ASTN1: variants seen among roughly 807,000 people sequenced by gnomAD.
The protein encoded by ASTN1 is astrotactin-1.
Under a neutral mutation model 140.7 loss-of-function variants are expected in ASTN1, and 41 were observed. The ratio of observed to expected loss-of-function variants is 0.29; its 90% CI spans 0.23 to 0.38. The LOEUF (loss-of-function observed/expected upper bound fraction) is 0.38, where lower values mean the gene tolerates loss of function less well. ASTN1 is among the 10% of genes least tolerant of loss of function. The probability of loss-of-function intolerance (pLI) is 1.00; values close to 1 mark genes in which losing one functional copy is unlikely to be tolerated. For synonymous variants in ASTN1, 640 were observed against 652.2 expected (o/e 0.98, Z 0.29); for missense variants, 1,479 against 1,678.8 (o/e 0.88, Z 2.08).
chr1:176,969,939 A>G (rs1229174703), intron 8 of ASTN1, among the ~76,000 whole-genome samples: 3 of 152,238 alleles, frequency 2.0e-5, no homozygotes, highest in South Asian at 4.1e-4. Context: ...ACCCATGCCC[A>G]TGCAGGAACA....
intron 8 of ASTN1, among the ~76,000 whole-genome samples, chr1:176,974,448 T>TGC (rs1673277817): frequency 1.3e-5 from 2 of 151,512 alleles, no homozygotes; most frequent in Admixed American, 1.3e-4. Context: ...TGCAGTGTCA[T>TGC]GATCTTGACT....
chr1:176,971,663 C>A (rs555090348), intron 8 of ASTN1, among the ~76,000 whole-genome samples: 2 of 152,300 alleles, frequency 1.3e-5, no homozygotes, highest in South Asian at 2.1e-4. Context: ...GCACCCTGCA[C>A]TTTCCTTTAT....
At chr1:176,948,076 TA>T (rs1332740837) in intron 12 of ASTN1, among the ~76,000 whole-genome samples, 2 of 152,144 alleles carry the variant, frequency 1.3e-5, no homozygotes, top group Admixed American at 6.5e-5. Flanking sequence ...TGAAACACAA[TA>T]AAATAACATT....
At position 177,099,443 on chromosome 1, in the gene ASTN1, A is replaced by G. The variant is rs561824467; in HGVS notation, c.284-38178T>C. Among the ~76,000 whole-genome samples the G allele has an allele frequency of 3.5e-4, 54 of 152,128 alleles. 1 individual carries two copies. Among genetic ancestry groups the G allele is most frequent in the African/African-American group, 1.2e-3 (50 of 41,534 alleles). On this transcript the variant is annotated intron_variant, in intron 1 of 22. Coordinates refer to ENST00000361833, the MANE Select transcript of ASTN1 (RefSeq NM_004319.3). Reference sequence around the variant, plus strand: ...AAAGGGAAAGCACATAAAATATCAGATCAGTTGTGATTTTGGACATAAGAG... The same window carrying G: ...AAAGGGAAAGCACATAAAATATCAGGTCAGTTGTGATTTTGGACATAAGAG...
chr1:176,914,924 T>A (rs891617721), intron 16 of ASTN1, among the ~76,000 whole-genome samples: 1 of 152,160 alleles, frequency 6.6e-6, no homozygotes, highest in Non-Finnish European at 1.5e-5. Context: ...AAACTCAGAA[T>A]CTTTCTAAGT....
intron 1 of ASTN1, among the ~76,000 whole-genome samples, chr1:177,091,724 C>T (rs1679764437): frequency 6.6e-6 from 1 of 152,132 alleles, no homozygotes; most frequent in South Asian, 2.1e-4. Context: ...CATCCTCTAG[C>T]AACCACTAAT....
chr1:177,080,259 CAAAAAAAAAAAA>C (rs11300384), intron 1 of ASTN1, among the ~76,000 whole-genome samples: 1 of 48,404 alleles, frequency 2.1e-5, no homozygotes, highest in Non-Finnish European at 3.6e-5. Context: ...ATCACCAGGC[CAAAAAAAAAAAA>C]AAAAAAAAAA....
intron 11 of ASTN1, among the ~76,000 whole-genome samples, chr1:176,955,157 A>C (rs555225959): frequency 1.4e-4 from 22 of 152,250 alleles, no homozygotes; most frequent in African/African-American, 5.3e-4. Flanking sequence ...GAAGCCTTTC[A>C]GTTCAGCACC....
chr1:177,075,645 C>CTTTTTTTTTTTTTTTTTTTTTTTTTTTTT (rs5778927), intron 1 of ASTN1, among the ~76,000 whole-genome samples: 3 of 99,546 alleles, frequency 3.0e-5, no homozygotes, highest in Non-Finnish European at 5.7e-5. Context: ...CTTTTCTTTT[C>CTTTTTTTTTTTTTTTTTTTTTTTTTTTTT]TTTTTTTTTT....
chr1:177,047,693 T>C (rs16850697), intron 2 of ASTN1, among the ~76,000 whole-genome samples: 1 of 151,528 alleles, frequency 6.6e-6, no homozygotes, highest in Non-Finnish European at 1.5e-5. Context: ...AGAAGAGAGG[T>C]ATTCTGGAGA....
At chr1:176,941,786 A>G (rs1033408) in intron 14 of ASTN1, among the ~76,000 whole-genome samples, 17,918 of 152,244 alleles carry the variant, frequency 0.12, 1,341 homozygotes, top group Admixed American at 0.18. Context: ...AGAGCCACGT[A>G]TCTTATTACT....
intron 1 of ASTN1, among the ~76,000 whole-genome samples, chr1:177,130,046 C>T (rs1342220659): frequency 6.6e-6 from 1 of 152,202 alleles, no homozygotes; most frequent in Non-Finnish European, 1.5e-5. Context: ...GATTAGAAAG[C>T]TGAGGCTCAG....
In ASTN1 at chr1:177,087,010, A is replaced by G. The variant is rs180986246; in HGVS notation, c.284-25745T>C. ...ACTAGAAAACGGCATCTATTCTCAA[A>G]CTTTTTTTTTAGAATTTTTTCTAAA... On this transcript the variant is annotated intron_variant, in intron 1 of 22. Transcript: ENST00000361833. 1.8e-4 allele frequency among the ~76,000 whole-genome samples: 28 copies of G among 152,218 alleles called. No homozygotes were observed. In the East Asian group the frequency reaches 5.2e-3, roughly 28 times the overall value.
At chr1:176,945,842 T>C (rs1671934144) in intron 13 of ASTN1, 84 bp downstream of exon 13, 1 of 1,368,570 alleles carries the variant, frequency 7.3e-7, no homozygotes, top group Non-Finnish European at 1.0e-6. Context: ...TGCTCCAACA[T>C]ATAAAGCTTT....
Position 176,863,592 on chromosome 1 carries a change from A to T in ASTN1, c.*692T>A. 1.0e-6 allele frequency: 1 copy of T among 985,486 alleles called. No homozygotes were observed. The highest frequency in any genetic ancestry group is 1.2e-6 in the Non-Finnish European group (1 of 829,990). The allele number at this position is 985,486 out of a possible 1,614,324, so 61.0% of individuals were successfully genotyped here. On this transcript the variant is annotated 3_prime_UTR_variant, in exon 23 of 23. Coordinates refer to ENST00000361833, the MANE Select transcript of ASTN1 (RefSeq NM_004319.3). The stretch of plus-strand genomic sequence containing the variant: ...ATGTTGTTCAGAGGAAGGGACAGAG[A>T]TCTGACAGAGGGAGATTTAATCCCA...
At chr1:176,871,840 C>T (rs1207733013) in intron 21 of ASTN1, among the ~76,000 whole-genome samples, 1 of 152,146 alleles carries the variant, frequency 6.6e-6, no homozygotes. Flanking sequence ...TCACAGAAAC[C>T]TTGAGTTATT....
rs551613657 is a variant in ASTN1, at chr1:177,141,667, C to T, written c.283+22727G>A. Among the ~76,000 whole-genome samples the T allele has an allele frequency of 8.7e-4, 132 of 152,220 alleles. 1 individual carries two copies. The highest frequency in any genetic ancestry group is 3.2e-3 in the African/African-American group (131 of 41,542). On this transcript the variant is annotated intron_variant, in intron 1 of 22. Coordinates refer to ENST00000361833, the MANE Select transcript of ASTN1 (RefSeq NM_004319.3). ...AAGAATGTTAAGCAAGCATCTTGAC[C>T]ATACCTAAGCCACAACTTCCAGCAT...
chr1:177,136,430 G>A (rs924327843), intron 1 of ASTN1, among the ~76,000 whole-genome samples: 4 of 148,196 alleles, frequency 2.7e-5, no homozygotes, highest in African/African-American at 4.9e-5. Context: ...TCAGCTCACC[G>A]CAACTTCCAC....
chr1:177,071,426 A>C (rs982074872), intron 1 of ASTN1, among the ~76,000 whole-genome samples: 7 of 152,226 alleles, frequency 4.6e-5, no homozygotes, highest in Non-Finnish European at 7.3e-5. Context: ...TGCTTTTATC[A>C]GTAGTAAACT....
Sources: allele counts gnomAD v4.1 joint callset (sites outside exome capture counted in the v4.1 genomes callset), GRCh38; gene constraint gnomAD v4.1.1; transcripts MANE v1.5; gene names NCBI Gene and HGNC (gene_info 2026-07-23, HGNC 2026-07-21).